The following DNAH17 variants were observed in gnomAD, a reference collection of about 807,000 sequenced individuals.
DNAH17 encodes the protein axonemal beta dynein heavy chain 17.
Under a neutral mutation model 485.6 loss-of-function variants are expected in DNAH17, and 376 were observed. The ratio of observed to expected loss-of-function variants is 0.77; its 90% CI spans 0.71 to 0.84. The LOEUF is 0.84. DNAH17 is among the 40% of genes least tolerant of loss of function. The probability of loss-of-function intolerance (pLI) is 0.00; values close to 1 mark genes in which losing one functional copy is unlikely to be tolerated. For synonymous variants in DNAH17, 3,031 were observed against 2,405.9 expected, an observed-to-expected ratio of 1.26 and a Z score of -7.60; for missense variants, 6,370 against 5,839.3, an observed-to-expected ratio of 1.09 and a Z score of -2.96.
chr17:78,441,291 A>AT, intron 71 of DNAH17, 92 bp from the exon 72 acceptor site: 1 of 1,444,116 alleles, frequency 6.9e-7, no homozygotes, highest in Non-Finnish European at 9.4e-7. Flanking sequence ...CAGGGGGGCC[A>AT]TTTTTTGGTG....
At position 78,462,983 on chromosome 17, in the gene DNAH17, T is replaced by C. The variant is rs778661545; in HGVS notation, c.9035A>G (p.Tyr3012Cys). Reference sequence around the variant, plus strand: ...AAAGGTTTTGGGTGTGGTGTAGTTGTAGCGCCTCTCAGTAGCCAGGTATAC... The same window carrying C: ...AAAGGTTTTGGGTGTGGTGTAGTTGCAGCGCCTCTCAGTAGCCAGGTATAC... ...SRVYLATERR[Y>C]NYTTPKTFLE... is the part of the protein sequence containing the mutation. Residue 3012 changes from tyrosine (Y) to cysteine (C), a missense_variant, in exon 57 of 81, where the codon TAC becomes TGC. Coordinates refer to ENST00000389840, the MANE Select transcript of DNAH17 (RefSeq NM_173628.4). The C allele has an allele frequency of 4.3e-6, 7 of 1,614,034 alleles. No homozygotes were observed. The highest frequency in any genetic ancestry group is 5.9e-6 in the Non-Finnish European group (7 of 1,179,898).
intron 71 of DNAH17, among the ~76,000 whole-genome samples, chr17:78,443,877 G>T (rs1568058323): frequency 6.6e-6 from 1 of 152,266 alleles, no homozygotes; most frequent in East Asian, 1.9e-4. Context: ...GTGTCCTTTG[G>T]GAAACCTGGC....
Position 78,437,883 on chromosome 17 carries a change from A to G in DNAH17, c.11806-15T>C. On this transcript the variant is annotated splice_polypyrimidine_tract_variant and intron_variant, in intron 73 of 80. Transcript: ENST00000389840. ...AGGTGGATATTCTGCAGCCAAGACT[A>G]GAGGCTGGTTACACACTTTGCCCAG... is the stretch of plus-strand genomic sequence containing the variant. 6.3e-7 allele frequency: 1 copy of G among 1,592,928 alleles called. No homozygotes were observed. The highest frequency in any genetic ancestry group is 8.6e-7 in the Non-Finnish European group (1 of 1,165,830).
In DNAH17 at chr17:78,494,619, G is replaced by C. The variant is rs374571840; in HGVS notation, c.6244C>G (p.Arg2082Gly). 5 of 1,613,712 alleles carry C rather than the reference G, an allele frequency of 3.1e-6. No individual in the cohort carries two copies. In the African/African-American group the frequency reaches 4.0e-5, roughly 13 times the overall value. Residue 2082 changes from arginine to glycine, a missense_variant, in exon 40 of 81, where the codon CGG (arginine) becomes GGG (glycine). By Grantham distance (125) the Arg-to-Gly change is moderately radical (BLOSUM62 -2). Coordinates refer to ENST00000389840, the MANE Select transcript of DNAH17 (RefSeq NM_173628.4). ...TTTTCAAAATTCAGGTCCCGTTTCCGAGGCACGTCCAGAGCCGGGAAGAGG... is the reference window on the plus strand; with the variant it reads ...TTTTCAAAATTCAGGTCCCGTTTCCCAGGCACGTCCAGAGCCGGGAAGAGG... Reference protein sequence around the residue: ...GDLFPALDVPRKRDLNFEKII... With the variant: ...GDLFPALDVPGKRDLNFEKII...
intron 68 of DNAH17, chr17:78,449,943 T>G (rs893774016): frequency 2.1e-6 from 1 of 474,300 alleles, no homozygotes; most frequent in African/African-American, 1.9e-5. Flanking sequence ...CCCATAGTGC[T>G]GAGATGACAG....
rs2090236195 is a variant in DNAH17 at position 78,500,357 on chromosome 17, G to A, written c.5588C>T (p.Ala1863Val). The A allele has an allele frequency of 1.2e-6, 2 of 1,612,794 alleles. No homozygotes were observed. The highest frequency in any genetic ancestry group is 8.5e-7 in the Non-Finnish European group (1 of 1,179,492). ...GAAGACGTAGACCATGGTGCCCAGG[G>A]CTCTGCCCAGGTCCTTGGTCGTCTC... ...KTETTKDLGR[A>V]LGTMVYVFNC... is the part of the protein sequence containing the mutation. Residue 1863 changes from alanine to valine, a missense_variant, in exon 36 of 81, where the codon GCC (alanine) becomes GTC (valine). Physicochemically the swap from Ala to Val is moderately conservative, Grantham distance 64. Transcript: ENST00000389840.
At chr17:78,524,713 G>T (rs956237234) in intron 25 of DNAH17, among the ~76,000 whole-genome samples, 2 of 150,992 alleles carry the variant, frequency 1.3e-5, no homozygotes. Flanking sequence ...TTTAAAAAAG[G>T]TGAGATGTGA....
chr17:78,500,655 C>T, intron 35 of DNAH17, 194 bp from the exon 36 acceptor site: 1 of 450,988 alleles, frequency 2.2e-6, no homozygotes, highest in Non-Finnish European at 3.8e-6. Context: ...ACTATAGGCG[C>T]CCGCCACCAT....
At chr17:78,567,294 G>C in intron 9 of DNAH17, 128 bp from the exon 10 acceptor site, 1 of 870,628 alleles carries the variant, frequency 1.1e-6, no homozygotes, top group Non-Finnish European at 1.8e-6. Context: ...CACCAACCAT[G>C]GGGGTGGGAG....
chr17:78,539,690 A>G (rs1319336071), intron 18 of DNAH17, 47 bp downstream of exon 18: 5 of 1,447,290 alleles, frequency 3.5e-6, no homozygotes, highest in Non-Finnish European at 4.6e-6. Flanking sequence ...ATTCTAACAG[A>G]TAAGAATACA....
At chr17:78,530,784 G>C (rs528657124) in intron 20 of DNAH17, among the ~76,000 whole-genome samples, 1 of 152,200 alleles carries the variant, frequency 6.6e-6, no homozygotes, top group Non-Finnish European at 1.5e-5. Flanking sequence ...CTGAAGCTGG[G>C]TAGGACAGAA....
chr17:78,508,524 C>T (rs1386493571), intron 27 of DNAH17, among the ~76,000 whole-genome samples: 5 of 152,184 alleles, frequency 3.3e-5, no homozygotes, highest in Admixed American at 3.3e-4. Context: ...TACTTTTCTC[C>T]TCTTGATCTA....
chr17:78,480,284 G>A (rs928215371), intron 49 of DNAH17, among the ~76,000 whole-genome samples: 3 of 151,988 alleles, frequency 2.0e-5, no homozygotes, highest in Non-Finnish European at 4.4e-5. Context: ...GGGAAGCGGA[G>A]GTTGCAGTGA....
chr17:78,487,408 C>A (rs939185844), intron 44 of DNAH17, among the ~76,000 whole-genome samples: 1 of 152,212 alleles, frequency 6.6e-6, no homozygotes, highest in East Asian at 1.9e-4. Flanking sequence ...CTGGCCCCCT[C>A]GAGTGCCAGT....
Position 78,574,718 on chromosome 17 carries a change from C to T in DNAH17, c.340G>A (p.Glu114Lys). Residue 114 changes from glutamate (E) to lysine (K), a missense_variant, in exon 2 of 81, where the codon GAG becomes AAG. Transcript: ENST00000389840. ...TPVDQLIAVV[E>K]EVLSSLLNQS... The stretch of plus-strand genomic sequence containing the variant: ...GGCAGCCTGGACGCACTCACCTCCT[C>T]CACCACCGCGATCAGCTGGTCCACG... The T allele has an allele frequency of 6.2e-7, 1 of 1,601,270 alleles. No homozygotes were observed. Among genetic ancestry groups the T allele is most frequent in the Non-Finnish European group, 8.5e-7 (1 of 1,171,794 alleles).
At position 78,450,354 on chromosome 17, in the gene DNAH17, G is replaced by A. The variant is rs1041943814; in HGVS notation, c.10940C>T (p.Ala3647Val). Reference sequence around the variant, plus strand: ...CGCAGCCGGGCGGTAGTTCTCTCTCGCTTCGTTGATTTTAACTTCTGTGAT... The same window carrying A: ...CGCAGCCGGGCGGTAGTTCTCTCTCACTTCGTTGATTTTAACTTCTGTGAT... ...AKITEVKINE[A>V]RENYRPAAER... The change falls in exon 68 of 81, where the codon GCG becomes GTG. Residue 3647 changes from alanine to valine, a missense_variant. Transcript: ENST00000389840. 11 of 1,613,842 alleles carry A rather than the reference G, an allele frequency of 6.8e-6. No homozygotes were observed. The African/African-American group carries it at 8.0e-5, about 12-fold the overall frequency.
chr17:78,468,033 AGAGAGAG>A (rs1210135709), intron 55 of DNAH17, among the ~76,000 whole-genome samples: 1 of 43,422 alleles, frequency 2.3e-5, no homozygotes, highest in East Asian at 8.5e-4. Context: ...AAAAAAAAAA[AGAGAGAG>A]AGAGAGAGTA....
Position 78,543,873 on chromosome 17 carries a change from A to T in DNAH17, c.2516T>A (p.Ile839Asn), listed in dbSNP as rs143971493. 181 of 1,614,018 alleles carry T rather than the reference A, an allele frequency of 1.1e-4. No homozygotes were observed. The highest frequency in any genetic ancestry group is 1.8e-4 in the Admixed American group (11 of 60,030). ...TTTCCTTACTGCAACCATGGCTTGGATCTTCACTCCAGCATCCCTGACTGC... is the reference window on the plus strand; with the variant it reads ...TTTCCTTACTGCAACCATGGCTTGGTTCTTCACTCCAGCATCCCTGACTGC... Reference protein sequence around the residue: ...YAAVRDAGVKIQAMVAENAEL... With the variant: ...YAAVRDAGVKNQAMVAENAEL... Residue 839 changes from isoleucine to asparagine, a missense_variant, in exon 17 of 81, where the codon ATC (isoleucine) becomes AAC (asparagine). Transcript: ENST00000389840.
chr17:78,507,606 A>G lies in DNAH17; in HGVS notation c.4436T>C (p.Leu1479Pro). The G allele has an allele frequency of 6.2e-7, 1 of 1,614,158 alleles. No homozygotes were observed. Among genetic ancestry groups the G allele is most frequent in the Admixed American group, 1.7e-5 (1 of 60,016 alleles). The stretch of plus-strand genomic sequence containing the variant: ...GGAGATGACGGAGTCCGCCGTGGAC[A>G]GCTTCTGCTGCCAGCTTGTCACCTC... ...LKEVTSWQQKLSTADSVISIW... is the reference protein window; with the variant it reads ...LKEVTSWQQKPSTADSVISIW... Residue 1479 changes from leucine (L) to proline (P), a missense_variant, in exon 28 of 81, where the codon CTG becomes CCG. Coordinates refer to ENST00000389840, the MANE Select transcript of DNAH17 (RefSeq NM_173628.4).
Sources: gnomAD v4.1 joint callset for allele counts (sites outside exome capture counted in the v4.1 genomes callset) on GRCh38, gnomAD v4.1.1 for gene constraint, MANE v1.5 for transcripts, NCBI Gene and HGNC (gene_info 2026-07-23, HGNC 2026-07-21) for gene names.